The following TSG101 variants were observed in gnomAD, a reference collection of about 807,000 sequenced individuals.
TSG101 encodes tumor susceptibility gene 101 protein.
A neutral mutation model predicts 48.5 loss-of-function variants in TSG101; 19 were observed. The observed-to-expected ratio is 0.39, with a 90% CI of 0.27 to 0.58. The LOEUF is 0.58. Ranked by LOEUF, TSG101 falls within the 20% of genes least tolerant of loss-of-function variation. The pLI, the probability that TSG101 is intolerant of heterozygous loss-of-function variation, is 0.55. For synonymous variants in TSG101, 174 were observed against 169.4 expected, an observed-to-expected ratio of 1.03 and a Z score of -0.21; for missense variants, 365 against 484.4, an observed-to-expected ratio of 0.75 and a Z score of 2.31.
chr11:18,498,886 T>A (rs1349478235), intron 7 of TSG101, among the ~76,000 whole-genome samples: 1 of 152,008 alleles, frequency 6.6e-6, no homozygotes, highest in African/African-American at 2.4e-5. Context: ...AAAATGAGCA[T>A]GGTGTTTTGG....
intron 7 of TSG101, among the ~76,000 whole-genome samples, chr11:18,499,404 T>TATATATATATATATATA (rs1372786271): frequency 2.0e-4 from 1 of 5,118 alleles, no homozygotes; most frequent in Non-Finnish European, 4.3e-4. Context: ...ATATATATAT[T>TATATATATATATATATA]TTTTTTTTTT....
rs535335259 is a variant in TSG101, at chr11:18,481,866, C to T, written c.847G>A (p.Glu283Lys). Reference protein sequence around the residue: ...MVTRLDQEVAEVDKNIELLKK... With the variant: ...MVTRLDQEVAKVDKNIELLKK... ...AAAAGTTCTATGTTTTTATCAACCT[C>T]GGCCTGAAAACAGAACAGTCCAAGC... Residue 283 changes from glutamate to lysine, a missense_variant, in exon 9 of 10, where the codon GAG becomes AAG. Glu to Lys is a moderately conservative substitution (Grantham distance 56, BLOSUM62 1). Transcript: ENST00000251968. The T allele has an allele frequency of 1.5e-5, 24 of 1,612,416 alleles. No homozygotes were observed. The highest frequency in any genetic ancestry group is 2.2e-5 in the East Asian group (1 of 44,876).
intron 4 of TSG101, 79 bp downstream of exon 4, chr11:18,514,596 CCTT>C (rs778546539): frequency 8.0e-5 from 97 of 1,212,310 alleles, no homozygotes; most frequent in Middle Eastern, 2.9e-4. Flanking sequence ...CTCGAATCCT[CCTT>C]GAGTGCTAAA....
intron 7 of TSG101, 64 bp downstream of exon 7, chr11:18,502,422 C>T: frequency 7.4e-7 from 1 of 1,353,672 alleles, no homozygotes; most frequent in East Asian, 2.4e-5. Flanking sequence ...GTGAAATGTG[C>T]TTTTCACAAC....
chr11:18,518,759 T>C (rs966442368), intron 2 of TSG101, among the ~76,000 whole-genome samples: 2 of 152,076 alleles, frequency 1.3e-5, no homozygotes, highest in African/African-American at 4.8e-5. Flanking sequence ...TATTATACAA[T>C]ATATTCTTGC....
chr11:18,515,191 C>G (rs1029757867), intron 3 of TSG101, among the ~76,000 whole-genome samples: 1 of 152,168 alleles, frequency 6.6e-6, no homozygotes, highest in African/African-American at 2.4e-5. Flanking sequence ...TCTCATAGCA[C>G]TTTTTCATTT....
intron 7 of TSG101, among the ~76,000 whole-genome samples, chr11:18,492,116 T>C (rs1365488994): frequency 6.6e-6 from 1 of 152,246 alleles, no homozygotes; most frequent in African/African-American, 2.4e-5. Context: ...GAAGATTTCA[T>C]TAAGTCCCCA....
chr11:18,520,615 A>C (rs1850254316), intron 1 of TSG101, among the ~76,000 whole-genome samples: 1 of 152,216 alleles, frequency 6.6e-6, no homozygotes, highest in African/African-American at 2.4e-5. Flanking sequence ...TTTCTTAAAG[A>C]AATTTGTTCA....
At chr11:18,496,316 C>CCT (rs1849776576) in intron 7 of TSG101, among the ~76,000 whole-genome samples, 1 of 151,448 alleles carries the variant, frequency 6.6e-6, no homozygotes. Context: ...GTGGCACATG[C>CCT]CTATAGTCTC....
intron 7 of TSG101, among the ~76,000 whole-genome samples, chr11:18,489,437 A>G (rs1365971362): frequency 6.6e-6 from 1 of 152,200 alleles, no homozygotes; most frequent in Non-Finnish European, 1.5e-5. Context: ...CAGGAAACAG[A>G]TAAGGTCATT....
chr11:18,480,787 A>T lies in TSG101; in HGVS notation c.1084-152T>A, dbSNP rs34787404. 2.2e-3 allele frequency: 1,427 copies of T among 636,608 alleles called. 27 individuals are homozygous for T. The highest frequency in any genetic ancestry group is 0.022 in the South Asian group (1,050 of 48,266). 39.4% of individuals were successfully genotyped at this position (636,608 alleles called of 1,614,324 possible). On this transcript the variant is annotated intron_variant, in intron 9 of 9. Transcript: ENST00000251968. ...AATACCTCATTATATGTGGCTTTTA[A>T]GCTGCATATTATAAAGGCTTACTCA...
At chr11:18,517,677 G>A (rs1161302837) in intron 2 of TSG101, among the ~76,000 whole-genome samples, 1 of 152,180 alleles carries the variant, frequency 6.6e-6, no homozygotes, top group African/African-American at 2.4e-5. Context: ...TTGTAGCCTA[G>A]GAGCAACAGG....
At chr11:18,499,336 T>A (rs1325623044) in intron 7 of TSG101, among the ~76,000 whole-genome samples, 4 of 109,892 alleles carry the variant, frequency 3.6e-5, no homozygotes, top group African/African-American at 1.3e-4. Context: ...ATATTTATAT[T>A]TATGTATATT....
chr11:18,493,291 C>CA (rs1849725233), intron 7 of TSG101, among the ~76,000 whole-genome samples: 1 of 152,156 alleles, frequency 6.6e-6, no homozygotes, highest in African/African-American at 2.4e-5. Context: ...TCAATGGACC[C>CA]AAAAATTCAT....
chr11:18,523,185 T>G (rs1165254528), intron 1 of TSG101, among the ~76,000 whole-genome samples: 3 of 152,306 alleles, frequency 2.0e-5, no homozygotes, highest in African/African-American at 7.2e-5. Flanking sequence ...GTAAGCCCCA[T>G]GTCAAGCACA....
chr11:18,526,887 C>A lies in TSG101; in HGVS notation c.-71G>T. On this transcript the variant is annotated 5_prime_UTR_variant, in exon 1 of 10. Coordinates refer to ENST00000251968, the MANE Select transcript of TSG101 (RefSeq NM_006292.4). ...GCTGCTGGGCTGCCCCAGACCGTCC[C>A]ACACAATCGCACACCCCCAACCCGG... 6.6e-7 allele frequency: 1 copy of A among 1,509,064 alleles called. No individual in the cohort carries two copies. The highest frequency in any genetic ancestry group is 9.0e-7 in the Non-Finnish European group (1 of 1,116,232). The allele number at this position is 1,509,064 out of a possible 1,614,324, so 93.5% of individuals were successfully genotyped here.
chr11:18,499,299 T>TA, intron 7 of TSG101, among the ~76,000 whole-genome samples: 1 of 115,536 alleles, frequency 8.7e-6, no homozygotes, highest in Non-Finnish European at 1.8e-5. Context: ...TATATTTATA[T>TA]TTATATATTT....
At chr11:18,510,627 G>A (rs1030640746) in intron 4 of TSG101, among the ~76,000 whole-genome samples, 2 of 152,072 alleles carry the variant, frequency 1.3e-5, no homozygotes, top group Admixed American at 1.3e-4. Context: ...CAGCACTTTG[G>A]GAGGCCAAGG....
At chr11:18,484,887 A>G (rs1323775284) in intron 7 of TSG101, among the ~76,000 whole-genome samples, 3 of 151,168 alleles carry the variant, frequency 2.0e-5, no homozygotes, top group African/African-American at 7.3e-5. Flanking sequence ...ATGTTTGATT[A>G]TAAAATACTA....
Sources: allele counts gnomAD v4.1 joint callset (sites outside exome capture counted in the v4.1 genomes callset), GRCh38; gene constraint gnomAD v4.1.1; transcripts MANE v1.5; gene names NCBI Gene and HGNC (gene_info 2026-07-23, HGNC 2026-07-21).